The following PDE1C variants were observed in gnomAD, a reference collection of about 807,000 sequenced individuals.
PDE1C encodes dual specificity calcium/calmodulin-dependent 3',5'-cyclic nucleotide phosphodiesterase 1C.
PDE1C carries 62 observed loss-of-function variants against 93.1 expected under a neutral mutation model. That is an observed-to-expected ratio of 0.67 (90% confidence interval 0.54 to 0.82). The LOEUF (loss-of-function observed/expected upper bound fraction) is 0.82. Among genes scored for constraint, PDE1C ranks in the 40% least tolerant of loss-of-function variants. The pLI, the probability that PDE1C is intolerant of heterozygous loss-of-function variation, is 0.00. For missense variants in PDE1C, 742 were observed against 884.6 expected (o/e 0.84, Z 2.04); for synonymous variants, 325 against 310.1 (o/e 1.05, Z -0.50).
In PDE1C at chr7:31,848,001, T is replaced by C. The variant is rs1792844080; in HGVS notation, c.947A>G (p.Asn316Ser). The C allele has an allele frequency of 5.0e-6, 8 of 1,613,072 alleles. No individual in the cohort carries two copies. The highest frequency in any genetic ancestry group is 6.8e-6 in the Non-Finnish European group (8 of 1,179,502). ...ATCCTTTGAGAGGTTAATCAAAATA[T>C]TCATTTCCTCGTCATCTTGCAGAAG... is the stretch of plus-strand genomic sequence containing the variant. ...YRLLQDDEEM[N>S]ILINLSKDDW... The change falls in exon 9 of 18, where the codon AAT becomes AGT. Residue 316 changes from asparagine (N) to serine (S), a missense_variant. This residue lies in a region of PDE1C where 205 missense variants were observed against 295.3 expected (regional missense o/e 0.69). Coordinates refer to ENST00000396191, the MANE Select transcript of PDE1C (RefSeq NM_001191057.4).
chr7:32,158,497 T>C (rs929024723), intron 3 of PDE1C, among the ~76,000 whole-genome samples: 1 of 152,222 alleles, frequency 6.6e-6, no homozygotes. Flanking sequence ...GACCATTAGC[T>C]ACTACAGCAT....
chr7:32,119,912 G>C (rs560214178), intron 3 of PDE1C, among the ~76,000 whole-genome samples: 3 of 152,346 alleles, frequency 2.0e-5, no homozygotes, highest in East Asian at 1.9e-4. Context: ...GTGGCTGCCT[G>C]CTGTCAAAGC....
chr7:32,131,220 T>TCA (rs1022345194), intron 3 of PDE1C, among the ~76,000 whole-genome samples: 1 of 152,160 alleles, frequency 6.6e-6, no homozygotes, highest in Non-Finnish European at 1.5e-5. Context: ...AGAGCCCCTG[T>TCA]CACACACACC....
At chr7:31,845,465 G>C (rs1428998226) in intron 9 of PDE1C, among the ~76,000 whole-genome samples, 1 of 152,058 alleles carries the variant, frequency 6.6e-6, no homozygotes, top group Non-Finnish European at 1.5e-5. Flanking sequence ...TATAGGTTCA[G>C]TAAGCAATAC....
chr7:31,721,411 T>A, the PDE1C span, among the ~76,000 whole-genome samples: 1 of 152,214 alleles, frequency 6.6e-6, no homozygotes, highest in Non-Finnish European at 1.5e-5. Flanking sequence ...GAAATGTGGC[T>A]AGTGAGACCA....
intron 1 of PDE1C, among the ~76,000 whole-genome samples, chr7:32,334,412 G>C (rs940403887): frequency 2.0e-5 from 3 of 152,072 alleles, no homozygotes; most frequent in Non-Finnish European, 2.9e-5. Flanking sequence ...ATAAAGTATG[G>C]CACATTCGTA....
chr7:31,631,186 TA>T, the PDE1C span, among the ~76,000 whole-genome samples: 4 of 151,150 alleles, frequency 2.6e-5, no homozygotes, highest in Admixed American at 6.6e-5. Context: ...GAAGAGCAGA[TA>T]AAAAAAAAGA....
intron 2 of PDE1C, among the ~76,000 whole-genome samples, chr7:31,965,617 G>C (rs1315013184): frequency 6.6e-6 from 1 of 152,102 alleles, no homozygotes; most frequent in Non-Finnish European, 1.5e-5. Flanking sequence ...AGGCCACAAA[G>C]ATACTCCTCG....
At chr7:31,935,540 A>G (rs1804926688) in intron 2 of PDE1C, among the ~76,000 whole-genome samples, 1 of 152,142 alleles carries the variant, frequency 6.6e-6, no homozygotes, top group South Asian at 2.1e-4. Context: ...AGAGCTTTCA[A>G]TGATACAAGC....
Position 32,156,047 on chromosome 7 carries a change from C to G in PDE1C, c.308+13738G>C, listed in dbSNP as rs118156814. On this transcript the variant is annotated intron_variant, in intron 3 of 18. Transcript: ENST00000396193. ...CTCCCCCAACCCATTCCATGAGTTT[C>G]TCTCTACTCTGCAATTTCCTATACT... is the stretch of plus-strand genomic sequence containing the variant. Among the ~76,000 whole-genome samples, 950 of 152,316 alleles carry G rather than the reference C, an allele frequency of 6.2e-3. 26 individuals are homozygous for G. Among genetic ancestry groups the G allele is most frequent in the Admixed American group, 0.044 (681 of 15,310 alleles).
intron 2 of PDE1C, among the ~76,000 whole-genome samples, chr7:31,920,774 G>A (rs1802523193): frequency 6.6e-6 from 1 of 152,104 alleles, no homozygotes; most frequent in Admixed American, 6.6e-5. Context: ...CCCAACGTGA[G>A]GAAAACAGCA....
chr7:31,913,555 T>C (rs4723109), intron 2 of PDE1C, among the ~76,000 whole-genome samples: 69,815 of 151,958 alleles, frequency 0.46, 16,888 homozygotes, highest in Non-Finnish European at 0.54. Flanking sequence ...AGAGATGTGA[T>C]GATGGAAAAA....
chr7:32,251,689 A>G (rs6955990), intron 1 of PDE1C, among the ~76,000 whole-genome samples: 17,853 of 152,218 alleles, frequency 0.12, 1,118 homozygotes, highest in East Asian at 0.15. Flanking sequence ...CACACTGAAT[A>G]TCATCCATGA....
chr7:31,745,390 C>A, the PDE1C span, among the ~76,000 whole-genome samples: 1 of 152,052 alleles, frequency 6.6e-6, no homozygotes, highest in East Asian at 1.9e-4. Flanking sequence ...TTGATCACTA[C>A]GGAGGATATA....
chr7:32,277,872 T>C (rs117733940), intron 1 of PDE1C, among the ~76,000 whole-genome samples: 240 of 152,262 alleles, frequency 1.6e-3, no homozygotes, highest in Non-Finnish European at 2.8e-3. Context: ...ACCATCACGA[T>C]GAACCCTAAT....
chr7:32,086,281 G>A (rs571008961), intron 3 of PDE1C, among the ~76,000 whole-genome samples: 13,563 of 151,060 alleles, frequency 0.09, 726 homozygotes, highest in African/African-American at 0.15. Flanking sequence ...AAAATACCTA[G>A]GAATCCAACT....
intron 1 of PDE1C, among the ~76,000 whole-genome samples, chr7:32,331,667 C>A (rs1047230452): frequency 6.6e-6 from 1 of 151,844 alleles, no homozygotes; most frequent in Non-Finnish European, 1.5e-5. Flanking sequence ...GGAAGTGGGG[C>A]GATGTGATCC....
chr7:31,773,106 T>C (rs1795607198), intron 17 of PDE1C, among the ~76,000 whole-genome samples: 1 of 152,256 alleles, frequency 6.6e-6, no homozygotes, highest in Non-Finnish European at 1.5e-5. Flanking sequence ...GCTTCTGTCC[T>C]GTAGTGTCAA....
chr7:31,815,302 A>C (rs532988339), intron 15 of PDE1C, among the ~76,000 whole-genome samples: 8 of 152,230 alleles, frequency 5.3e-5, no homozygotes, highest in African/African-American at 1.9e-4. Context: ...CCTAGTGCTA[A>C]GCATGGTGCT....
Sources: allele counts gnomAD v4.1 joint callset (sites outside exome capture counted in the v4.1 genomes callset), GRCh38; gene constraint gnomAD v4.1.1; regional missense constraint gnomAD v4.1.1; transcripts MANE v1.5; gene names NCBI Gene and HGNC (gene_info 2026-07-23, HGNC 2026-07-21).